The following SEPTIN11 variants were observed in gnomAD, a reference collection of about 807,000 sequenced individuals.
SEPTIN11 encodes the protein septin 11.
SEPTIN11 carries 25 observed loss-of-function variants against 51.4 expected under a neutral mutation model. The observed-to-expected ratio is 0.49, with a 90% CI of 0.35 to 0.68. SEPTIN11 has a LOEUF of 0.68. Ranked by LOEUF, SEPTIN11 falls within the 30% of genes least tolerant of loss-of-function variation. The pLI is 0.00. For synonymous variants in SEPTIN11, 174 were observed against 184.1 expected (o/e 0.95, Z 0.44); for missense variants, 381 against 520.8 (o/e 0.73, Z 2.61).
intron 3 of SEPTIN11, among the ~76,000 whole-genome samples, chr4:77,006,438 G>A (rs565469908): frequency 6.6e-6 from 1 of 152,194 alleles, no homozygotes; most frequent in Non-Finnish European, 1.5e-5. Flanking sequence ...TCAGGATTTT[G>A]TTCACATTCC....
intron 1 of SEPTIN11, among the ~76,000 whole-genome samples, chr4:76,975,109 G>C (rs1722427826): frequency 7.5e-6 from 1 of 132,458 alleles, no homozygotes; most frequent in South Asian, 2.5e-4. Flanking sequence ...GCAAGACTAT[G>C]TTTCAAAAAA....
At chr4:76,978,862 C>T (rs1053480726) in intron 1 of SEPTIN11, among the ~76,000 whole-genome samples, 2 of 152,168 alleles carry the variant, frequency 1.3e-5, no homozygotes, top group African/African-American at 4.8e-5. Flanking sequence ...AGGGTTCATA[C>T]TGAAGCATGT....
chr4:76,983,751 C>G (rs1296293823), intron 1 of SEPTIN11, among the ~76,000 whole-genome samples: 1 of 152,032 alleles, frequency 6.6e-6, no homozygotes, highest in African/African-American at 2.4e-5. Flanking sequence ...GGCTCATGCC[C>G]GTAATCCCAG....
Position 77,023,269 on chromosome 4 carries a change from TACACAC to T in SEPTIN11, c.953+2627_953+2632del, listed in dbSNP as rs61693678. 8.0e-3 allele frequency among the ~76,000 whole-genome samples: 1,108 copies of T among 139,248 alleles called. 12 individuals carry two copies. The highest frequency in any genetic ancestry group is 0.027 in the African/African-American group (1,009 of 37,836). The allele number at this position is 139,248 out of a possible 152,430, so 91.4% of individuals were successfully genotyped here. On this transcript the variant is annotated intron_variant, in intron 7 of 9. Coordinates refer to ENST00000264893, the MANE Select transcript of SEPTIN11 (RefSeq NM_018243.4). ...TTTGATGATGAAAAGGGAAAATGTATACACACACACACACACACACACACACACACA... is the reference window on the plus strand; with the variant it reads ...TTTGATGATGAAAAGGGAAAATGTATACACACACACACACACACACACACA...
At chr4:76,959,807 A>T (rs1721749276) in intron 1 of SEPTIN11, among the ~76,000 whole-genome samples, 1 of 152,218 alleles carries the variant, frequency 6.6e-6, no homozygotes, top group African/African-American at 2.4e-5. Flanking sequence ...GATGGGGATT[A>T]ATGTAGTATT....
intron 1 of SEPTIN11, chr4:76,959,080 C>T (rs764765593): frequency 8.9e-6 from 6 of 671,624 alleles, no homozygotes; most frequent in African/African-American, 1.8e-5. Context: ...AAGGCCCACA[C>T]CATGTGGCTG....
At chr4:77,031,666 C>G (rs913641189) in intron 9 of SEPTIN11, 2 of 152,178 alleles carry the variant, frequency 1.3e-5, no homozygotes, top group African/African-American at 4.8e-5. Context: ...AGATTTAGGC[C>G]TCCCTTGACA....
rs1727173718 is a variant in SEPTIN11 at position 77,038,360 on chromosome 4, C to T, written c.*3848C>T. Reference sequence around the variant, plus strand: ...TAACCAATGTGTTTTCTAAAACTGTCGTGTAATCTACTTTCATTGTTAATG... The same window carrying T: ...TAACCAATGTGTTTTCTAAAACTGTTGTGTAATCTACTTTCATTGTTAATG... On this transcript the variant is annotated 3_prime_UTR_variant, in exon 10 of 10. Coordinates refer to ENST00000264893, the MANE Select transcript of SEPTIN11 (RefSeq NM_018243.4). The T allele has an allele frequency of 1.5e-5, 15 of 985,738 alleles. No homozygotes were observed. Among genetic ancestry groups the T allele is most frequent in the Non-Finnish European group, 1.7e-5 (14 of 829,876 alleles). 61.1% of individuals were successfully genotyped at this position (985,738 alleles called of 1,614,324 possible).
Position 77,036,421 on chromosome 4 carries a change from AACC to A in SEPTIN11, c.*1913_*1915del. 1 of 1,153,026 alleles carries A rather than the reference AACC, an allele frequency of 8.7e-7. No homozygotes were observed. Among genetic ancestry groups the A allele is most frequent in the East Asian group, 6.7e-5 (1 of 14,934 alleles). The allele number at this position is 1,153,026 out of a possible 1,614,324, so 71.4% of individuals were successfully genotyped here. Reference sequence around the variant, plus strand: ...AATATTTGTGTTGTATGCTTGTTCCAACCACCGCTTGTGTGAGCATTTTTGTGG... The same window carrying A: ...AATATTTGTGTTGTATGCTTGTTCCAACCGCTTGTGTGAGCATTTTTGTGG... On this transcript the variant is annotated 3_prime_UTR_variant, in exon 10 of 10. Transcript: ENST00000264893.
intron 5 of SEPTIN11, 113 bp downstream of exon 5, chr4:77,015,130 G>A (rs1725130344): frequency 5.1e-6 from 5 of 986,672 alleles, no homozygotes; most frequent in Non-Finnish European, 7.3e-6. Flanking sequence ...GACTTCAGCT[G>A]TAGTCCAGCT....
chr4:76,972,533 A>G (rs942510518), intron 1 of SEPTIN11: 3 of 152,188 alleles, frequency 2.0e-5, no homozygotes, highest in African/African-American at 7.2e-5. Context: ...TCAGGAATCC[A>G]GCCTTTTTAG....
chr4:76,949,853 G>A lies in SEPTIN11; in HGVS notation c.-51G>A, dbSNP rs763243779. On this transcript the variant is annotated 5_prime_UTR_variant, in exon 1 of 10. Transcript: ENST00000264893. ...CGGAGCCCGAGCACTAGCAGCAGCC[G>A]GAGTCGGCGTAAAGCACCCGGGCGC... The A allele has an allele frequency of 1.3e-6, 2 of 1,505,480 alleles. No individual in the cohort carries two copies. The highest frequency in any genetic ancestry group is 1.5e-5 in the African/African-American group (1 of 68,776). The allele number at this position is 1,505,480 out of a possible 1,614,324, so 93.3% of individuals were successfully genotyped here.
chr4:77,017,365 C>T (rs1454292115), intron 5 of SEPTIN11, among the ~76,000 whole-genome samples: 2 of 152,184 alleles, frequency 1.3e-5, no homozygotes, highest in African/African-American at 4.8e-5. Flanking sequence ...TCTTGCTGAT[C>T]AAATTCCACG....
chr4:77,007,200 A>G (rs72858695), intron 3 of SEPTIN11, among the ~76,000 whole-genome samples: 3,381 of 152,254 alleles, frequency 0.022, 92 homozygotes, highest in South Asian at 0.065. Context: ...AAAGGGGCAC[A>G]AGTGCATTGT....
chr4:76,969,450 T>C (rs999730889), intron 1 of SEPTIN11, among the ~76,000 whole-genome samples: 18 of 152,180 alleles, frequency 1.2e-4, no homozygotes, highest in African/African-American at 4.3e-4. Context: ...GTACAAAATA[T>C]GAGACATTTG....
chr4:76,993,181 T>G (rs1321927095), intron 1 of SEPTIN11, among the ~76,000 whole-genome samples: 1 of 152,110 alleles, frequency 6.6e-6, no homozygotes, highest in Non-Finnish European at 1.5e-5. Context: ...GGGGAGCTGG[T>G]CTCAAGCATG....
chr4:77,024,187 G>A lies in SEPTIN11; in HGVS notation c.953+3517G>A, dbSNP rs531912317. On this transcript the variant is annotated intron_variant, in intron 7 of 9. Transcript: ENST00000264893. This position sits in a 1 kb window ranked among gnomAD's most constrained non-coding sequence, Gnocchi z 4.2. ...ACAGAAACGCCGTATTCAAGCCTTG[G>A]CAGCACACCACGGCAGTAAAGCTAG... 2.6e-5 allele frequency among the ~76,000 whole-genome samples: 4 copies of A among 152,280 alleles called. No individual in the cohort carries two copies. The highest frequency in any genetic ancestry group is 9.6e-5 in the African/African-American group (4 of 41,550).
intron 7 of SEPTIN11, among the ~76,000 whole-genome samples, chr4:77,025,622 T>C (rs1726069330): frequency 6.6e-6 from 1 of 152,114 alleles, no homozygotes; most frequent in African/African-American, 2.4e-5. Flanking sequence ...TGGTCTTCAA[T>C]GACTGGAAAT....
chr4:76,996,437 C>G lies in SEPTIN11; in HGVS notation c.40C>G (p.Arg14Gly). Residue 14 changes from arginine to glycine, a missense_variant, in exon 2 of 10, where the codon CGA (arginine) becomes GGA (glycine). This residue lies in a region of SEPTIN11 where 184 missense variants were observed against 207.7 expected (regional missense o/e 0.89). Transcript: ENST00000264893. ...CCTGAAATTGCAGAATGAAGAGCTTCGAAACTTGTCTTTGTCTGGCCATGT... is the reference window on the plus strand; with the variant it reads ...CCTGAAATTGCAGAATGAAGAGCTTGGAAACTTGTCTTTGTCTGGCCATGT... ...AVGRPSNEELRNLSLSGHVGF... is the reference protein window; with the variant it reads ...AVGRPSNEELGNLSLSGHVGF... 6.2e-7 allele frequency: 1 copy of G among 1,613,924 alleles called. No individual in the cohort carries two copies. The highest frequency in any genetic ancestry group is 8.5e-7 in the Non-Finnish European group (1 of 1,179,786).
Sources: allele counts gnomAD v4.1 joint callset (sites outside exome capture counted in the v4.1 genomes callset), GRCh38; gene constraint gnomAD v4.1.1; regional missense constraint gnomAD v4.1.1; non-coding constraint Gnocchi (gnomAD v3.1); transcripts MANE v1.5; gene names NCBI Gene and HGNC (gene_info 2026-07-23, HGNC 2026-07-21).